The following MAPT variants were observed in gnomAD, a reference collection of about 807,000 sequenced individuals.
The protein encoded by MAPT is microtubule-associated protein tau.
In MAPT, 34 loss-of-function variants were observed where a neutral mutation model predicts 67.9. The observed-to-expected ratio is 0.50, with a 90% CI of 0.38 to 0.67. The LOEUF is 0.67. Among genes scored for constraint, MAPT ranks in the 30% least tolerant of loss-of-function variants. MAPT has a pLI of 0.00. For missense variants in MAPT, 881 were observed against 1,115.2 expected, an observed-to-expected ratio of 0.79 and a Z score of 2.99; for synonymous variants, 456 against 464.5, an observed-to-expected ratio of 0.98 and a Z score of 0.23.
chr17:45,925,462 C>G (rs983105802), intron 1 of MAPT, among the ~76,000 whole-genome samples: 2 of 152,240 alleles, frequency 1.3e-5, no homozygotes, highest in Middle Eastern at 3.2e-3. Context: ...TATGCATAAA[C>G]AGCCTTTAAA....
intron 1 of MAPT, among the ~76,000 whole-genome samples, chr17:45,904,920 C>T (rs62056804): frequency 0.14 from 21,817 of 152,090 alleles, 2,137 homozygotes; most frequent in Middle Eastern, 0.22. Context: ...CACTGGGGCA[C>T]AGCAAAAGTC....
intron 3 of MAPT, chr17:45,977,117 A>T (rs1309119516): frequency 6.5e-6 from 1 of 152,802 alleles, no homozygotes; most frequent in African/African-American, 2.4e-5. Context: ...TGTCTGTGTC[A>T]TGCTAGTGCT....
chr17:45,982,018 C>CAAAAAAAAAA (rs1264327504), intron 4 of MAPT, among the ~76,000 whole-genome samples: 1 of 84,712 alleles, frequency 1.2e-5, no homozygotes, highest in Non-Finnish European at 2.4e-5. Flanking sequence ...GACCCTGTCT[C>CAAAAAAAAAA]AAAAAAAAAA....
intron 1 of MAPT, among the ~76,000 whole-genome samples, chr17:45,928,002 G>GAAA (rs35954789): frequency 1.1e-4 from 6 of 55,182 alleles, no homozygotes; most frequent in Admixed American, 2.4e-4. Flanking sequence ...TCCGTCTCAG[G>GAAA]AAAAAAAAAA....
rs1348569350 is a variant in MAPT, at chr17:46,010,266, G to C, written c.1999-44G>C. ...GGCGTCCTTGCGAGCAAGCAGGCGG[G>C]TCCAGGGTGGCGTGTCACTCATCCT... On this transcript the variant is annotated intron_variant, in intron 9 of 12. Coordinates refer to ENST00000262410, the MANE Select transcript of MAPT (RefSeq NM_001377265.1). The surrounding 1 kb of genome is among the most constrained non-coding windows in gnomAD (Gnocchi z 4.7). 1.5e-6 allele frequency: 2 copies of C among 1,367,030 alleles called. No individual in the cohort carries two copies. Among genetic ancestry groups the C allele is most frequent in the African/African-American group, 1.4e-5 (1 of 69,528 alleles). The allele number at this position is 1,367,030 out of a possible 1,614,324, so 84.7% of individuals were successfully genotyped here.
At chr17:45,964,958 A>T (rs2070885142) in intron 2 of MAPT, among the ~76,000 whole-genome samples, 1 of 152,026 alleles carries the variant, frequency 6.6e-6, no homozygotes, top group African/African-American at 2.4e-5. Flanking sequence ...GCCTGTTGAA[A>T]CCACTTTCTC....
intron 1 of MAPT, among the ~76,000 whole-genome samples, chr17:45,961,347 ATCCCAAGCC>A (rs1336374412): frequency 3.3e-5 from 5 of 152,260 alleles, no homozygotes; most frequent in African/African-American, 1.2e-4. Context: ...TGCTCTTCAG[ATCCCAAGCC>A]TCATGCCCCT....
chr17:46,015,637 C>T (rs1034493748), intron 11 of MAPT, among the ~76,000 whole-genome samples: 7 of 151,692 alleles, frequency 4.6e-5, no homozygotes, highest in Non-Finnish European at 7.4e-5. Flanking sequence ...CCAGCCTGGG[C>T]GAGAGAGTGA....
At chr17:45,956,444 G>A (rs1388037529) in intron 1 of MAPT, among the ~76,000 whole-genome samples, 2 of 151,760 alleles carry the variant, frequency 1.3e-5, no homozygotes, top group African/African-American at 4.9e-5. Flanking sequence ...CATGAATTTG[G>A]AATATAGGCA....
intron 2 of MAPT, among the ~76,000 whole-genome samples, chr17:45,965,062 C>A (rs1048863879): frequency 6.6e-6 from 1 of 152,172 alleles, no homozygotes; most frequent in Non-Finnish European, 1.5e-5. Flanking sequence ...ATGAAGAGTT[C>A]TCTCACCAGG....
At chr17:45,999,828 T>G (rs955714474) in intron 9 of MAPT, 32 of 626,008 alleles carry the variant, frequency 5.1e-5, no homozygotes, top group Non-Finnish European at 1.6e-5. Context: ...AGTCACAGCC[T>G]CCCTTAAATG....
intron 1 of MAPT, among the ~76,000 whole-genome samples, chr17:45,903,927 A>T (rs1325283547): frequency 3.5e-5 from 1 of 28,264 alleles, no homozygotes; most frequent in Non-Finnish European, 6.6e-5. Context: ...ATTTATATAT[A>T]TTATATATTT....
Position 46,028,169 on chromosome 17 carries a change from T to G in MAPT, c.*3998T>G, listed in dbSNP as rs949645470. 1 of 123,984 alleles carries G rather than the reference T, an allele frequency of 8.1e-6. No homozygotes were observed. The highest frequency in any genetic ancestry group is 3.0e-5 in the African/African-American group (1 of 32,872). 7.7% of individuals were successfully genotyped at this position (123,984 alleles called of 1,614,324 possible). A position where few individuals can be genotyped will look rare whatever the true frequency, so the allele number is the denominator to read the frequency against. On this transcript the variant is annotated 3_prime_UTR_variant, in exon 13 of 13. Transcript: ENST00000262410. ...CTATTTCTGGCACTTGCAAGTCCCA[T>G]GATTTCTTCGGTAATTCTGAGGGTG...
chr17:45,942,331 G>C (rs948436583), intron 1 of MAPT, among the ~76,000 whole-genome samples: 2 of 152,154 alleles, frequency 1.3e-5, no homozygotes, highest in African/African-American at 4.8e-5. Flanking sequence ...CAAAGCAGTT[G>C]GCTTCGCCCA....
Position 45,989,919 on chromosome 17 carries a change from T to C in MAPT, c.1449T>C (p.Pro483=), listed in dbSNP as rs756920476. The C allele has an allele frequency of 9.3e-6, 15 of 1,614,086 alleles. No homozygotes were observed. In the South Asian group the frequency reaches 1.2e-4, roughly 13 times the overall value. ...CTGCTAAAACCTTGAAAAATAGGCC[T>C]TGCCTTAGCCCCAAACACCCCACTC... is the stretch of plus-strand genomic sequence containing the variant. ...RSSAKTLKNR[P]CLSPKHPTPG... Residue 483 remains proline (P), a synonymous_variant, in exon 7 of 13, where the codon CCT becomes CCC. Coordinates refer to ENST00000262410, the MANE Select transcript of MAPT (RefSeq NM_001377265.1).
intron 7 of MAPT, 98 bp from the exon 8 acceptor site, chr17:45,991,362 G>A (rs563380321): frequency 6.6e-6 from 10 of 1,519,866 alleles, no homozygotes; most frequent in South Asian, 1.1e-5. Flanking sequence ...TCTTAGCCAC[G>A]TTTTGAGTCA....
intron 1 of MAPT, among the ~76,000 whole-genome samples, chr17:45,946,369 A>G (rs1454974583): frequency 1.3e-5 from 2 of 152,020 alleles, no homozygotes; most frequent in African/African-American, 4.8e-5. Flanking sequence ...TGGGAGGCTG[A>G]GGTGAGTGGA....
At chr17:45,899,938 G>A (rs1326706540) in intron 1 of MAPT, among the ~76,000 whole-genome samples, 2 of 152,154 alleles carry the variant, frequency 1.3e-5, no homozygotes, top group African/African-American at 2.4e-5. Context: ...AGGGAAGGCT[G>A]GAAATCAAGA....
Position 45,941,687 on chromosome 17 carries a change from CTT to C in MAPT, c.-17-20633_-17-20632del, listed in dbSNP as rs1491345336. Reference sequence around the variant, plus strand: ...CCCCCCTTCCCCCCTTCCCTCCTTCCTTCCTTCCTTCCTGCCTGCCTTCCTTC... The same window carrying C: ...CCCCCCTTCCCCCCTTCCCTCCTTCCCCTTCCTTCCTGCCTGCCTTCCTTC... On this transcript the variant is annotated intron_variant, in intron 1 of 12. Transcript: ENST00000262410. 8.1e-4 allele frequency among the ~76,000 whole-genome samples: 54 copies of C among 66,490 alleles called. 2 individuals carry two copies. The highest frequency in any genetic ancestry group is 3.0e-3 in the African/African-American group (40 of 13,226). The allele number at this position is 66,490 out of a possible 152,430, so 43.6% of individuals were successfully genotyped here.
Sources: allele counts gnomAD v4.1 joint callset (sites outside exome capture counted in the v4.1 genomes callset), GRCh38; gene constraint gnomAD v4.1.1; non-coding constraint Gnocchi (gnomAD v3.1); transcripts MANE v1.5; gene names NCBI Gene and HGNC (gene_info 2026-07-23, HGNC 2026-07-21).